The following WWOX variants were observed in gnomAD, a reference collection of about 807,000 sequenced individuals.
WWOX encodes WW domain-containing oxidoreductase.
Under a neutral mutation model 46.2 loss-of-function variants are expected in WWOX, and 69 were observed. The observed-to-expected ratio is 1.49, with a 90% CI of 1.23 to 1.82. The LOEUF (loss-of-function observed/expected upper bound fraction) is 1.82. Ranked by LOEUF, WWOX falls within the 40% of genes most tolerant of loss-of-function variation. The pLI is 0.00. For synonymous variants in WWOX, 359 were observed against 202.6 expected, an observed-to-expected ratio of 1.77 and a Z score of -6.56; for missense variants, 919 against 542.6, an observed-to-expected ratio of 1.69 and a Z score of -6.89.
chr16:78,216,384 A>T (rs2036721516), intron 5 of WWOX, among the ~76,000 whole-genome samples: 1 of 152,184 alleles, frequency 6.6e-6, no homozygotes, highest in South Asian at 2.1e-4. Context: ...TGGCCGCTGT[A>T]ACACATTATC....
At chr16:78,755,515 G>C (rs1303736973) in intron 8 of WWOX, among the ~76,000 whole-genome samples, 1 of 152,168 alleles carries the variant, frequency 6.6e-6, no homozygotes, top group Non-Finnish European at 1.5e-5. Flanking sequence ...GTACCTGCCA[G>C]AGTGGCTGTA....
chr16:78,515,045 C>T (rs1440697820), intron 8 of WWOX, among the ~76,000 whole-genome samples: 1 of 152,030 alleles, frequency 6.6e-6, no homozygotes, highest in South Asian at 2.1e-4. Context: ...TGTGGCAAAA[C>T]CCCACCTCTA....
At chr16:79,072,363 G>A (rs550701869) in intron 8 of WWOX, among the ~76,000 whole-genome samples, 2 of 152,024 alleles carry the variant, frequency 1.3e-5, no homozygotes, top group East Asian at 3.9e-4. Context: ...CACATTTCCT[G>A]CAAAGTTGCA....
chr16:78,099,700 G>A lies in WWOX; in HGVS notation c.-79G>A. The A allele has an allele frequency of 2.0e-6, 3 of 1,467,734 alleles. No individual in the cohort carries two copies. Among genetic ancestry groups the A allele is most frequent in the Non-Finnish European group, 1.8e-6 (2 of 1,109,816 alleles). 90.9% of individuals were successfully genotyped at this position (1,467,734 alleles called of 1,614,324 possible). A position where few individuals can be genotyped will look rare whatever the true frequency, so the allele number is the denominator to read the frequency against. On this transcript the variant is annotated 5_prime_UTR_variant, in exon 1 of 9. Coordinates refer to ENST00000566780, the MANE Select transcript of WWOX (RefSeq NM_016373.4). The stretch of plus-strand genomic sequence containing the variant: ...TCGGGCCCCGACGCGCGCGGGTCTC[G>A]TTTGGAGCGGGAGTGAGTTCCTGAG...
intron 8 of WWOX, among the ~76,000 whole-genome samples, chr16:78,710,996 A>G (rs1474451616): frequency 2.0e-4 from 31 of 152,172 alleles, no homozygotes; most frequent in Admixed American, 1.5e-3. Flanking sequence ...CTGGACCACA[A>G]ATAACTTACA....
At chr16:79,096,780 C>T (rs1200782740) in intron 8 of WWOX, among the ~76,000 whole-genome samples, 1 of 152,084 alleles carries the variant, frequency 6.6e-6, no homozygotes, top group Non-Finnish European at 1.5e-5. Flanking sequence ...TCACTAGGAA[C>T]CTCATAGGTG....
chr16:78,994,142 A>G (rs2046942318), intron 8 of WWOX, among the ~76,000 whole-genome samples: 1 of 152,214 alleles, frequency 6.6e-6, no homozygotes, highest in Non-Finnish European at 1.5e-5. Flanking sequence ...TCCGAGGGAA[A>G]TTAATCAAAA....
At chr16:78,700,185 T>G (rs1251949317) in intron 8 of WWOX, among the ~76,000 whole-genome samples, 1 of 152,036 alleles carries the variant, frequency 6.6e-6, no homozygotes, top group Non-Finnish European at 1.5e-5. Flanking sequence ...GCTTGATTTT[T>G]TTTTTTTTCT....
chr16:78,407,420 A>G (rs978275075), intron 6 of WWOX, among the ~76,000 whole-genome samples: 5 of 152,200 alleles, frequency 3.3e-5, no homozygotes, highest in Admixed American at 1.3e-4. Flanking sequence ...TGAATCCCCC[A>G]AAGCCACAAT....
At chr16:79,073,416 G>A (rs887053192) in intron 8 of WWOX, among the ~76,000 whole-genome samples, 3 of 152,076 alleles carry the variant, frequency 2.0e-5, no homozygotes, top group Non-Finnish European at 2.9e-5. Context: ...CTGACCTCAG[G>A]TGATCCACCC....
At chr16:78,724,465 A>G (rs1007570464) in intron 8 of WWOX, among the ~76,000 whole-genome samples, 3 of 152,198 alleles carry the variant, frequency 2.0e-5, no homozygotes, top group Non-Finnish European at 2.9e-5. Flanking sequence ...CTTTTAGCAC[A>G]TTGCATTATC....
intron 6 of WWOX, among the ~76,000 whole-genome samples, chr16:78,412,003 G>C (rs894112894): frequency 5.3e-5 from 8 of 152,224 alleles, no homozygotes; most frequent in African/African-American, 1.9e-4. Context: ...TGTCAACAGA[G>C]CATGTGTGTG....
chr16:78,338,381 T>G (rs1052630231), intron 5 of WWOX, among the ~76,000 whole-genome samples: 1 of 121,202 alleles, frequency 8.3e-6, no homozygotes, highest in African/African-American at 2.8e-5. Flanking sequence ...TCCCCAGTTG[T>G]AAAGTGTGCA....
At chr16:78,233,406 C>A (rs2037332681) in intron 5 of WWOX, among the ~76,000 whole-genome samples, 1 of 152,018 alleles carries the variant, frequency 6.6e-6, no homozygotes, top group Admixed American at 6.6e-5. Flanking sequence ...TAAAACAGGA[C>A]ATTTTTAACG....
chr16:78,100,216 C>T, intron 1 of WWOX: 1 of 1,169,090 alleles, frequency 8.6e-7, no homozygotes. Flanking sequence ...CAGCTCCCTC[C>T]TGCAGGCTCT....
At chr16:79,209,204 A>C (rs1310653672) in intron 8 of WWOX, among the ~76,000 whole-genome samples, 2 of 152,224 alleles carry the variant, frequency 1.3e-5, no homozygotes, top group Non-Finnish European at 2.9e-5. Context: ...GCATGAAATG[A>C]AGCCAGTTGT....
At chr16:78,377,257 G>A (rs560657684) in intron 5 of WWOX, among the ~76,000 whole-genome samples, 2 of 152,172 alleles carry the variant, frequency 1.3e-5, no homozygotes, top group African/African-American at 4.8e-5. Context: ...AAGATATAGG[G>A]CATGTTTATT....
At chr16:78,646,934 A>AGG (rs568374552) in intron 8 of WWOX, among the ~76,000 whole-genome samples, 77 of 152,154 alleles carry the variant, frequency 5.1e-4, no homozygotes, top group African/African-American at 1.6e-3. Flanking sequence ...GGTGGGTTGG[A>AGG]GGGGGGATGC....
chr16:78,928,670 A>G (rs2045555798), intron 8 of WWOX, among the ~76,000 whole-genome samples: 1 of 152,064 alleles, frequency 6.6e-6, no homozygotes, highest in South Asian at 2.1e-4. Context: ...CTGGAAAAAA[A>G]AATAATAGGA....
Sources: allele counts gnomAD v4.1 joint callset (sites outside exome capture counted in the v4.1 genomes callset), GRCh38; gene constraint gnomAD v4.1.1; transcripts MANE v1.5; gene names NCBI Gene and HGNC (gene_info 2026-07-23, HGNC 2026-07-21).